Variants in PCLO observed in about 807,000 individuals in gnomAD.
PCLO encodes the protein piccolo presynaptic cytomatrix protein.
Under a neutral mutation model 427.5 loss-of-function variants are expected in PCLO, and 82 were observed. The observed-to-expected ratio is 0.19, with a 90% CI of 0.16 to 0.23. The LOEUF (loss-of-function observed/expected upper bound fraction) is 0.23. PCLO is among the 10% of genes least tolerant of loss of function. PCLO has a pLI of 1.00. For missense variants in PCLO, 6,239 were observed against 6,115.9 expected (o/e 1.02, Z -0.67); for synonymous variants, 2,357 against 2,155.4 (o/e 1.09, Z -2.59).
At chr7:83,057,039 TA>T (rs1217392347) in intron 3 of PCLO, among the ~76,000 whole-genome samples, 1 of 151,856 alleles carries the variant, frequency 6.6e-6, no homozygotes, top group Non-Finnish European at 1.5e-5. Flanking sequence ...ATATTTGTGC[TA>T]TTAAGCCATA....
intron 16 of PCLO, among the ~76,000 whole-genome samples, chr7:82,832,528 TA>T (rs965689778): frequency 6.6e-6 from 1 of 151,962 alleles, no homozygotes; most frequent in Non-Finnish European, 1.5e-5. Context: ...GCTGGTGGTT[TA>T]TTTTTTTATT....
chr7:82,805,596 G>C (rs1791440558), intron 21 of PCLO, 92 bp downstream of exon 21: 3 of 1,195,266 alleles, frequency 2.5e-6, no homozygotes, highest in Non-Finnish European at 3.6e-6. Flanking sequence ...CTCAGAATTG[G>C]GTAATTATCC....
At chr7:83,140,612 C>T (rs2116635529) in intron 2 of PCLO, among the ~76,000 whole-genome samples, 1 of 152,280 alleles carries the variant, frequency 6.6e-6, no homozygotes, top group South Asian at 2.1e-4. Context: ...AAATATTTAA[C>T]TGTGCTCTGT....
intron 20 of PCLO, among the ~76,000 whole-genome samples, chr7:82,812,644 A>G (rs1010433848): frequency 6.6e-6 from 1 of 151,642 alleles, no homozygotes; most frequent in Non-Finnish European, 1.5e-5. Context: ...GAATGAAAAA[A>G]GAATGTATCC....
At chr7:83,067,301 T>G (rs1789693009) in intron 3 of PCLO, among the ~76,000 whole-genome samples, 5 of 152,194 alleles carry the variant, frequency 3.3e-5, no homozygotes. Flanking sequence ...GTACAGAGAC[T>G]GGATTTCCTA....
intron 3 of PCLO, among the ~76,000 whole-genome samples, chr7:83,074,052 C>T (rs1789887177): frequency 6.6e-6 from 1 of 151,844 alleles, no homozygotes; most frequent in South Asian, 2.1e-4. Flanking sequence ...TGGAAAAGAA[C>T]CTTATCTTTC....
intron 3 of PCLO, among the ~76,000 whole-genome samples, chr7:82,983,147 A>G (rs1358142975): frequency 6.6e-6 from 1 of 151,540 alleles, no homozygotes; most frequent in Non-Finnish European, 1.5e-5. Flanking sequence ...ATTACTCTTT[A>G]TTCACATTGA....
At chr7:82,843,157 T>C (rs1792410008) in intron 13 of PCLO, among the ~76,000 whole-genome samples, 1 of 152,168 alleles carries the variant, frequency 6.6e-6, no homozygotes, top group African/African-American at 2.4e-5. Context: ...AACCTAAGTG[T>C]CTATCAATTG....
At position 82,760,667 on chromosome 7, in the gene PCLO, C is replaced by A; in HGVS notation, c.15260G>T (p.Ser5087Ile). 1 of 1,605,570 alleles carries A rather than the reference C, an allele frequency of 6.2e-7. No individual in the cohort carries two copies. Among genetic ancestry groups the A allele is most frequent in the Non-Finnish European group, 8.5e-7 (1 of 1,175,902 alleles). The stretch of plus-strand genomic sequence containing the variant: ...AAGAGAATGTCCTGCAGGACTTAGA[C>A]TGAATCGAAAAGTTTCATTAAACGA... The part of the protein sequence containing the change: ...EPSFNETFRF[S>I]LSPAGHSLQI... The change falls in exon 24 of 25, where the codon AGT becomes ATT. Residue 5087 changes from serine to isoleucine, a missense_variant. Physicochemically the swap from Ser to Ile is moderately radical, Grantham distance 142. Transcript: ENST00000333891.
chr7:83,143,631 T>G (rs1184826187), intron 2 of PCLO, among the ~76,000 whole-genome samples: 44 of 141,140 alleles, frequency 3.1e-4, no homozygotes, highest in African/African-American at 1.1e-3. Flanking sequence ...AATATGTTTG[T>G]CAGGATTGCC....
At chr7:83,110,092 C>G (rs1790964961) in intron 3 of PCLO, among the ~76,000 whole-genome samples, 1 of 150,458 alleles carries the variant, frequency 6.6e-6, no homozygotes, top group African/African-American at 2.4e-5. Flanking sequence ...AGCAGGTTCT[C>G]AGTACATACT....
intron 3 of PCLO, among the ~76,000 whole-genome samples, chr7:83,042,036 T>C (rs1346308462): frequency 6.6e-6 from 1 of 152,176 alleles, no homozygotes; most frequent in South Asian, 2.1e-4. Flanking sequence ...CATTGTTATA[T>C]TCTGTGGTGC....
intron 3 of PCLO, among the ~76,000 whole-genome samples, chr7:83,014,889 T>G (rs1788169265): frequency 6.6e-6 from 1 of 152,210 alleles, no homozygotes; most frequent in Non-Finnish European, 1.5e-5. Context: ...ACTCCCTTTT[T>G]TTAGTCACAT....
At chr7:82,993,954 T>C (rs1415687765) in intron 3 of PCLO, among the ~76,000 whole-genome samples, 1 of 149,340 alleles carries the variant, frequency 6.7e-6, no homozygotes, top group Non-Finnish European at 1.5e-5. Context: ...GGCCTTGTCA[T>C]AATAAGAGAA....
rs1205184802 is a variant in PCLO at position 83,155,979 on chromosome 7, T to C, written c.662A>G (p.Lys221Arg). 1 of 1,613,724 alleles carries C rather than the reference T, an allele frequency of 6.2e-7. No individual in the cohort carries two copies. Among genetic ancestry groups the C allele is most frequent in the Non-Finnish European group, 8.5e-7 (1 of 1,179,870 alleles). ...LQQQPPKPIP[K>R]QQGPGRDPLQ... ...CGGATCCCTACCAGGTCCTTGCTGC[T>C]TAGGAATCGGCTTGGGTGGCTGTTG... Residue 221 changes from lysine to arginine, a missense_variant, in exon 2 of 25, where the codon AAG becomes AGG. This residue lies in a region of PCLO where 4,677 missense variants were observed against 4,468.4 expected (regional missense o/e 1.05). Transcript: ENST00000333891.
chr7:83,025,500 G>A (rs1583922774), intron 3 of PCLO, among the ~76,000 whole-genome samples: 2 of 151,934 alleles, frequency 1.3e-5, no homozygotes, highest in Non-Finnish European at 2.9e-5. Context: ...AAAGTGATGG[G>A]GAGAATGGAA....
At chr7:83,026,361 C>G (rs1472122236) in intron 3 of PCLO, among the ~76,000 whole-genome samples, 2 of 151,708 alleles carry the variant, frequency 1.3e-5, no homozygotes, top group African/African-American at 4.8e-5. Flanking sequence ...ACAAAGAAGG[C>G]CATTACATAA....
chr7:82,946,762 A>G (rs1285920242), intron 6 of PCLO, among the ~76,000 whole-genome samples: 1 of 152,166 alleles, frequency 6.6e-6, no homozygotes, highest in Non-Finnish European at 1.5e-5. Flanking sequence ...AATTTCTAAT[A>G]TATTTTGAAT....
intron 6 of PCLO, among the ~76,000 whole-genome samples, chr7:82,930,341 C>T (rs925012404): frequency 1.3e-5 from 2 of 152,124 alleles, no homozygotes; most frequent in East Asian, 3.9e-4. Flanking sequence ...AGTGATATAA[C>T]AGACCATCTA....
Sources: gnomAD v4.1 joint callset for allele counts (sites outside exome capture counted in the v4.1 genomes callset) on GRCh38, gnomAD v4.1.1 for gene constraint, gnomAD v4.1.1 regional missense constraint, MANE v1.5 for transcripts, NCBI Gene and HGNC (gene_info 2026-07-23, HGNC 2026-07-21) for gene names.